Variants in EGFR observed in about 807,000 individuals in gnomAD.
The protein encoded by EGFR is avian erythroblastic leukemia viral (v-erb-b) oncogene homolog.
EGFR carries 58 observed loss-of-function variants against 143.0 expected under a neutral mutation model. The ratio of observed to expected loss-of-function variants is 0.41; its 90% CI spans 0.33 to 0.50. The LOEUF (loss-of-function observed/expected upper bound fraction) is 0.50, where lower values mean the gene tolerates loss of function less well. Ranked by LOEUF, EGFR falls within the 20% of genes least tolerant of loss-of-function variation. EGFR has a pLI of 0.39. For missense variants in EGFR, 1,307 were observed against 1,579.0 expected (o/e 0.83, Z 2.92); for synonymous variants, 613 against 594.4 (o/e 1.03, Z -0.45).
intron 1 of EGFR, among the ~76,000 whole-genome samples, chr7:55,044,344 A>G (rs17172428): frequency 0.049 from 7,403 of 152,318 alleles, 309 homozygotes; most frequent in South Asian, 0.16. Context: ...ACACAAGTGA[A>G]CAGTAAATGT....
chr7:55,024,238 A>G (rs1419668733), intron 1 of EGFR, among the ~76,000 whole-genome samples: 1 of 152,206 alleles, frequency 6.6e-6, no homozygotes, highest in African/African-American at 2.4e-5. Flanking sequence ...CAATCCCTGA[A>G]GGCCCTGAAG....
chr7:55,202,839 C>T (rs1173759529), intron 27 of EGFR: 1 of 689,692 alleles, frequency 1.4e-6, no homozygotes, highest in Admixed American at 2.1e-5. Flanking sequence ...TTTGCTGTAC[C>T]TCTGTTGTAA....
At chr7:55,203,216 CAAAT>C (rs1227728102) in intron 27 of EGFR, 6,985 of 234,170 alleles carry the variant, frequency 0.03, 472 homozygotes, top group African/African-American at 0.14. Context: ...ACACACACCT[CAAAT>C]ACATACACAC....
chr7:55,184,635 C>A (rs781090520), intron 20 of EGFR, among the ~76,000 whole-genome samples: 2 of 152,196 alleles, frequency 1.3e-5, no homozygotes, highest in Non-Finnish European at 2.9e-5. Context: ...CAATTTCAAT[C>A]TGTTATTTAA....
intron 1 of EGFR, among the ~76,000 whole-genome samples, chr7:55,060,164 C>T (rs1789084015): frequency 6.6e-6 from 1 of 152,216 alleles, no homozygotes; most frequent in South Asian, 2.1e-4. Context: ...ATTTTCTGAC[C>T]TTTCCCAAGT....
chr7:55,194,167 C>T (rs1303402498), intron 22 of EGFR, among the ~76,000 whole-genome samples: 2 of 152,082 alleles, frequency 1.3e-5, no homozygotes, highest in East Asian at 1.9e-4. Flanking sequence ...CTGGTCTCCC[C>T]TCTTCCCACT....
intron 1 of EGFR, among the ~76,000 whole-genome samples, chr7:55,065,750 C>T (rs1243211235): frequency 6.6e-6 from 1 of 151,646 alleles, no homozygotes; most frequent in Non-Finnish European, 1.5e-5. Flanking sequence ...TTTACTTTCC[C>T]TCTTCACTAA....
intron 11 of EGFR, among the ~76,000 whole-genome samples, chr7:55,159,399 A>C (rs1181176359): frequency 1.3e-5 from 2 of 152,106 alleles, no homozygotes; most frequent in Admixed American, 6.6e-5. Flanking sequence ...GGTCTGAATG[A>C]CTTCCATCCA....
At chr7:55,117,192 T>G (rs1792909690) in intron 1 of EGFR, among the ~76,000 whole-genome samples, 1 of 152,240 alleles carries the variant, frequency 6.6e-6, no homozygotes, top group Non-Finnish European at 1.5e-5. Context: ...ACTTAACTAT[T>G]CAGCAAATTT....
rs12538371 is a variant in EGFR at position 55,168,327 on chromosome 7, T to C, written c.1881-2848T>C. 0.088 allele frequency among the ~76,000 whole-genome samples: 13,409 copies of C among 152,308 alleles called. 868 individuals carry two copies. The highest frequency in any genetic ancestry group is 0.18 in the Admixed American group (2,809 of 15,290). Reference sequence around the variant, plus strand: ...CAGTATCTCTGCATCAATATCTCTATATCAGTATCTCTGTGTCAGTGAGCA... The same window carrying C: ...CAGTATCTCTGCATCAATATCTCTACATCAGTATCTCTGTGTCAGTGAGCA... On this transcript the variant is annotated intron_variant, in intron 15 of 27. Transcript: ENST00000275493.
chr7:55,055,411 C>T (rs1270100368), intron 1 of EGFR, among the ~76,000 whole-genome samples: 1 of 152,072 alleles, frequency 6.6e-6, no homozygotes. Context: ...GGTCATGTTA[C>T]CAGCCTTTTA....
At chr7:55,104,352 T>C (rs1791998440) in intron 1 of EGFR, among the ~76,000 whole-genome samples, 1 of 152,170 alleles carries the variant, frequency 6.6e-6, no homozygotes, top group Non-Finnish European at 1.5e-5. Context: ...AACTCCGCCG[T>C]CGCTGCTACT....
chr7:55,095,463 G>A (rs910985654), intron 1 of EGFR, among the ~76,000 whole-genome samples: 4 of 152,228 alleles, frequency 2.6e-5, no homozygotes, highest in South Asian at 2.1e-4. Context: ...ATTAGGCCCT[G>A]TCCTTTGGGA....
intron 11 of EGFR, among the ~76,000 whole-genome samples, chr7:55,158,686 T>G (rs1032959857): frequency 1.1e-4 from 17 of 152,214 alleles, no homozygotes; most frequent in Non-Finnish European, 2.2e-4. Flanking sequence ...TTTTCACATT[T>G]AATGAGAAGT....
chr7:55,034,494 C>A (rs1355715535), intron 1 of EGFR, among the ~76,000 whole-genome samples: 1 of 152,184 alleles, frequency 6.6e-6, no homozygotes, highest in Non-Finnish European at 1.5e-5. Flanking sequence ...GCAGGAATTG[C>A]TTGATTCACT....
chr7:55,061,410 A>G lies in EGFR; in HGVS notation c.88+42045A>G, dbSNP rs150403227. On this transcript the variant is annotated intron_variant, in intron 1 of 27. Coordinates refer to ENST00000275493, the MANE Select transcript of EGFR (RefSeq NM_005228.5). ...ATACATAATCCCAGTTTGTGTCTGT[A>G]TCAGTACAATTCTCCCATGTCAATG... Among the ~76,000 whole-genome samples the G allele has an allele frequency of 3.5e-3, 534 of 152,282 alleles. 5 individuals are homozygous for G. In the Middle Eastern group the frequency reaches 0.044, roughly 13 times the overall value.
chr7:55,152,347 T>C (rs775903941), intron 5 of EGFR, 199 bp from the exon 6 acceptor site: 3 of 759,666 alleles, frequency 3.9e-6, no homozygotes, highest in East Asian at 4.9e-5. Flanking sequence ...ATGAGTTCTC[T>C]TAAGTGATTA....
In EGFR at chr7:55,208,854, G is replaced by GA. The variant is rs1264203248; in HGVS notation, c.*3240dup. 6.6e-6 allele frequency: 1 copy of GA among 152,210 alleles called. No homozygotes were observed. Among genetic ancestry groups the GA allele is most frequent in the Non-Finnish European group, 1.5e-5 (1 of 68,040 alleles). The allele number at this position is 152,210 out of a possible 1,614,324, so 9.4% of individuals were successfully genotyped here. A position where few individuals can be genotyped will look rare whatever the true frequency, so the allele number is the denominator to read the frequency against. On this transcript the variant is annotated 3_prime_UTR_variant, in exon 28 of 28. Transcript: ENST00000275493. ...CTTGGGAATCTTCTGGTCCCAACCA[G>GA]AAAGACTGTGGCTTGATTTTCTCAG... is the stretch of plus-strand genomic sequence containing the variant.
chr7:55,143,523 A>G lies in EGFR; in HGVS notation c.424+35A>G, dbSNP rs1339125912. On this transcript the variant is annotated intron_variant, in intron 3 of 27. Coordinates refer to ENST00000275493, the MANE Select transcript of EGFR (RefSeq NM_005228.5). Reference sequence around the variant, plus strand: ...TGGGATGCCAAGGCTGGGGGTTCATAAATGCAGACAGCAGTTCCGATGGCT... The same window carrying G: ...TGGGATGCCAAGGCTGGGGGTTCATGAATGCAGACAGCAGTTCCGATGGCT... 1.9e-6 allele frequency: 3 copies of G among 1,612,132 alleles called. No homozygotes were observed. The Admixed American group carries it at 5.0e-5, about 27-fold the overall frequency.
Sources: allele counts gnomAD v4.1 joint callset (sites outside exome capture counted in the v4.1 genomes callset), GRCh38; gene constraint gnomAD v4.1.1; transcripts MANE v1.5; gene names NCBI Gene and HGNC (gene_info 2026-07-23, HGNC 2026-07-21).